Variants in ENTREP2 observed in about 807,000 individuals in gnomAD.
ENTREP2 encodes protein ENTREP2.
At chr15:29,343,451 T>G in the ENTREP2 span, among the ~76,000 whole-genome samples, 1 of 152,036 alleles carries the variant, frequency 6.6e-6, no homozygotes, top group African/African-American at 2.4e-5. Context: ...CCTGCAGAAT[T>G]CAGACTCACA....
At chr15:29,321,933 C>T in the ENTREP2 span, among the ~76,000 whole-genome samples, 1 of 151,578 alleles carries the variant, frequency 6.6e-6, no homozygotes. Context: ...CACACGTTTA[C>T]CCATGTAACC....
the ENTREP2 span, among the ~76,000 whole-genome samples, chr15:29,245,162 G>A: frequency 6.6e-6 from 1 of 152,128 alleles, no homozygotes; most frequent in Non-Finnish European, 1.5e-5. Flanking sequence ...CTTACATGCG[G>A]CGAGTAGCCT....
At chr15:29,306,664 A>T in the ENTREP2 span, among the ~76,000 whole-genome samples, 21 of 77,276 alleles carry the variant, frequency 2.7e-4, no homozygotes, top group South Asian at 3.0e-3. Context: ...ATAATTGGTA[A>T]TTTTTTTTTT....
At chr15:29,300,223 G>C in the ENTREP2 span, among the ~76,000 whole-genome samples, 1 of 146,220 alleles carries the variant, frequency 6.8e-6, no homozygotes, top group Non-Finnish European at 1.5e-5. Flanking sequence ...TGTACAGATG[G>C]ATAAGTGGAT....
the ENTREP2 span, among the ~76,000 whole-genome samples, chr15:29,213,992 C>T: frequency 6.6e-6 from 1 of 151,838 alleles, no homozygotes; most frequent in Non-Finnish European, 1.5e-5. Flanking sequence ...CAATGAGATA[C>T]CATCTCATGC....
chr15:29,480,338 C>CAAAAAA, the ENTREP2 span, among the ~76,000 whole-genome samples: 45 of 29,430 alleles, frequency 1.5e-3, 3 homozygotes, highest in East Asian at 0.029. Context: ...TTCACTATAG[C>CAAAAAA]AAAAAAAAAA....
the ENTREP2 span, chr15:29,235,057 C>T: frequency 8.9e-7 from 1 of 1,128,082 alleles, no homozygotes; most frequent in Non-Finnish European, 1.4e-6. Flanking sequence ...AGTGGCCCCA[C>T]AGCCAGGACA....
the ENTREP2 span, among the ~76,000 whole-genome samples, chr15:29,482,871 A>G: frequency 6.6e-6 from 1 of 152,226 alleles, no homozygotes; most frequent in Non-Finnish European, 1.5e-5. Flanking sequence ...GTATGACTGT[A>G]GGCTCATAGG....
chr15:29,224,130 T>G, the ENTREP2 span, among the ~76,000 whole-genome samples: 1 of 152,254 alleles, frequency 6.6e-6, no homozygotes, highest in South Asian at 2.1e-4. Flanking sequence ...AGTTTCTTCC[T>G]TCTGGTGGGT....
chr15:29,145,801 C>T, the ENTREP2 span, among the ~76,000 whole-genome samples: 3 of 151,990 alleles, frequency 2.0e-5, no homozygotes, highest in East Asian at 1.9e-4. Context: ...TATTCAACAT[C>T]GTAGTGGAGG....
the ENTREP2 span, among the ~76,000 whole-genome samples, chr15:29,408,482 G>T: frequency 6.6e-6 from 1 of 152,146 alleles, no homozygotes. Context: ...ACTCTACAAT[G>T]GTGAGACGGT....
the ENTREP2 span, among the ~76,000 whole-genome samples, chr15:29,129,403 C>T: frequency 1.3e-5 from 2 of 152,208 alleles, no homozygotes; most frequent in African/African-American, 4.8e-5. Flanking sequence ...ATCAGAGAGC[C>T]TGGCAGGGCC....
the ENTREP2 span, among the ~76,000 whole-genome samples, chr15:29,383,891 C>G: frequency 1.3e-5 from 2 of 152,202 alleles, no homozygotes; most frequent in African/African-American, 4.8e-5. Flanking sequence ...AACACAGTTA[C>G]CGGCGACAGA....
At chr15:29,133,856 A>G in the ENTREP2 span, among the ~76,000 whole-genome samples, 1 of 152,160 alleles carries the variant, frequency 6.6e-6, no homozygotes, top group Non-Finnish European at 1.5e-5. Context: ...ACACCCAGAC[A>G]GGTCAACACC....
chr15:29,133,262 C>T, the ENTREP2 span, among the ~76,000 whole-genome samples: 1 of 152,312 alleles, frequency 6.6e-6, no homozygotes, highest in East Asian at 1.9e-4. Flanking sequence ...CTCCTCTTTA[C>T]CAAACATCCT....
chr15:29,405,707 G>T, the ENTREP2 span, among the ~76,000 whole-genome samples: 1 of 152,224 alleles, frequency 6.6e-6, no homozygotes, highest in Non-Finnish European at 1.5e-5. Context: ...CCCAGAGCAC[G>T]CTTGTTTCAT....
At chr15:29,391,916 C>T in the ENTREP2 span, among the ~76,000 whole-genome samples, 8 of 152,198 alleles carry the variant, frequency 5.3e-5, no homozygotes, top group African/African-American at 1.9e-4. Flanking sequence ...GCTCCGCCTC[C>T]CGGGTTCACG....
chr15:29,388,401 T>C, the ENTREP2 span, among the ~76,000 whole-genome samples: 2 of 152,114 alleles, frequency 1.3e-5, no homozygotes, highest in South Asian at 2.1e-4. Context: ...GAAATGCAAA[T>C]CAAAACCACA....
At chr15:29,422,311 G>A in the ENTREP2 span, among the ~76,000 whole-genome samples, 1 of 152,066 alleles carries the variant, frequency 6.6e-6, no homozygotes, top group African/African-American at 2.4e-5. Flanking sequence ...AAAGAATGAG[G>A]ACATGGCCAC....
Sources: allele counts gnomAD v4.1 joint callset (sites outside exome capture counted in the v4.1 genomes callset), GRCh38; gene constraint gnomAD v4.1.1; transcripts MANE v1.5; gene names NCBI Gene and HGNC (gene_info 2026-07-23, HGNC 2026-07-21).